Variants in IREB2 observed in about 807,000 individuals in gnomAD.
The protein encoded by IREB2 is iron responsive element binding protein 2, also known as iron-responsive element-binding protein 2.
Under a neutral mutation model 118.8 loss-of-function variants are expected in IREB2, and 39 were observed. The observed-to-expected ratio is 0.33, with a 90% CI of 0.25 to 0.43. The LOEUF (loss-of-function observed/expected upper bound fraction) is 0.43. Ranked by LOEUF, IREB2 falls within the 20% of genes least tolerant of loss-of-function variation. The pLI is 1.00. For missense variants in IREB2, 900 were observed against 1,147.3 expected, an observed-to-expected ratio of 0.78 and a Z score of 3.11; for synonymous variants, 372 against 392.2, an observed-to-expected ratio of 0.95 and a Z score of 0.61.
At chr15:78,496,212 C>T (rs1314620693) in intron 20 of IREB2, among the ~76,000 whole-genome samples, 2 of 152,168 alleles carry the variant, frequency 1.3e-5, no homozygotes, top group East Asian at 3.8e-4. Flanking sequence ...TCATAGAATT[C>T]TCTCATCCTA....
intron 10 of IREB2, among the ~76,000 whole-genome samples, chr15:78,482,151 G>A (rs1396803913): frequency 6.6e-6 from 1 of 152,062 alleles, no homozygotes; most frequent in Non-Finnish European, 1.5e-5. Context: ...GATCACTTGA[G>A]CCCAGGAGGT....
At chr15:78,491,946 A>AG (rs1463862809) in intron 18 of IREB2, among the ~76,000 whole-genome samples, 1 of 152,170 alleles carries the variant, frequency 6.6e-6, no homozygotes, top group Non-Finnish European at 1.5e-5. Flanking sequence ...AAAAAGAAAA[A>AG]CAGTCAACAC....
rs2051894265 is a variant in IREB2, at chr15:78,499,149, T to C, written c.*1006T>C. The stretch of plus-strand genomic sequence containing the variant: ...TCTTAATTAAATTGATTTCCTGTCA[T>C]TTTGAATCATTTATCACCTGCGATG... On this transcript the variant is annotated 3_prime_UTR_variant, in exon 22 of 22. Transcript: ENST00000258886. 1.3e-5 allele frequency: 2 copies of C among 152,228 alleles called. No homozygotes were observed. 9.4% of individuals were successfully genotyped at this position (152,228 alleles called of 1,614,324 possible).
At chr15:78,474,422 T>A (rs750551767) in intron 8 of IREB2, 43 of 152,230 alleles carry the variant, frequency 2.8e-4, no homozygotes, top group Non-Finnish European at 5.6e-4. Flanking sequence ...GATCAAGTAG[T>A]AAATTGGGAA....
At chr15:78,445,225 A>C (rs899161209) in intron 2 of IREB2, among the ~76,000 whole-genome samples, 2 of 150,506 alleles carry the variant, frequency 1.3e-5, no homozygotes, top group African/African-American at 2.4e-5. Flanking sequence ...GCGTCCTCCA[A>C]CTCCTGGGTT....
intron 2 of IREB2, among the ~76,000 whole-genome samples, chr15:78,442,767 C>G (rs1306589388): frequency 1.3e-5 from 2 of 152,170 alleles, no homozygotes; most frequent in Non-Finnish European, 2.9e-5. Context: ...TCTTCCCGTT[C>G]TGTTTTTATT....
intron 20 of IREB2, among the ~76,000 whole-genome samples, chr15:78,494,874 C>T (rs1450696557): frequency 6.6e-6 from 1 of 152,194 alleles, no homozygotes; most frequent in Non-Finnish European, 1.5e-5. Context: ...GCCCGGCCCC[C>T]ACTGTTAATT....
intron 15 of IREB2, 155 bp from the exon 16 acceptor site, chr15:78,488,492 A>G: frequency 1.0e-6 from 1 of 980,108 alleles, no homozygotes; most frequent in South Asian, 1.9e-5. Context: ...TATGTGAAGA[A>G]AATAAAATGT....
At chr15:78,482,013 G>A (rs2051582490) in intron 10 of IREB2, among the ~76,000 whole-genome samples, 1 of 152,144 alleles carries the variant, frequency 6.6e-6, no homozygotes, top group South Asian at 2.1e-4. Context: ...AGGCTGAGGC[G>A]GGAGGATTGC....
At chr15:78,452,119 A>G (rs2051036225) in intron 2 of IREB2, among the ~76,000 whole-genome samples, 1 of 152,192 alleles carries the variant, frequency 6.6e-6, no homozygotes. Flanking sequence ...GAGATGATGT[A>G]CTGGTGGTTG....
At chr15:78,464,223 T>C (rs2051244146) in intron 3 of IREB2, among the ~76,000 whole-genome samples, 1 of 152,228 alleles carries the variant, frequency 6.6e-6, no homozygotes, top group Admixed American at 6.5e-5. Context: ...TTAAGTCGTA[T>C]TATCCCTCCA....
At chr15:78,486,761 C>T (rs1445177245) in intron 13 of IREB2, among the ~76,000 whole-genome samples, 1 of 152,114 alleles carries the variant, frequency 6.6e-6, no homozygotes, top group African/African-American at 2.4e-5. Flanking sequence ...CCTCGACCTC[C>T]TAGGCTCAAT....
At position 78,501,156 on chromosome 15, in the gene IREB2, G is replaced by T. The variant is rs2051938154; in HGVS notation, c.*3013G>T. 1 of 152,202 alleles carries T rather than the reference G, an allele frequency of 6.6e-6. No homozygotes were observed. Among genetic ancestry groups the T allele is most frequent in the South Asian group, 2.1e-4 (1 of 4,826 alleles). 9.4% of individuals were successfully genotyped at this position (152,202 alleles called of 1,614,324 possible). A position where few individuals can be genotyped will look rare whatever the true frequency, so the allele number is the denominator to read the frequency against. ...GAAGAGGGTGGACTTTGGCTTTTCA[G>T]TGTTTTTTCCCCTAAAGAGTGATAT... On this transcript the variant is annotated 3_prime_UTR_variant, in exon 22 of 22. Coordinates refer to ENST00000258886, the MANE Select transcript of IREB2 (RefSeq NM_004136.4).
At chr15:78,485,070 T>C (rs2051637604) in intron 12 of IREB2, 150 bp downstream of exon 12, 2 of 628,910 alleles carry the variant, frequency 3.2e-6, no homozygotes. Flanking sequence ...TTAAGGAGCC[T>C]GAGTTTGATT....
chr15:78,492,921 G>T (rs2051775687), intron 18 of IREB2, among the ~76,000 whole-genome samples: 2 of 152,064 alleles, frequency 1.3e-5, no homozygotes, highest in Admixed American at 1.3e-4. Context: ...GTGAATTATA[G>T]TATCACTATT....
intron 16 of IREB2, among the ~76,000 whole-genome samples, chr15:78,489,737 C>G (rs1387632775): frequency 1.3e-5 from 2 of 152,216 alleles, no homozygotes; most frequent in East Asian, 3.9e-4. Flanking sequence ...TCTCAAACTC[C>G]TGGACTCAAG....
At position 78,494,254 on chromosome 15, in the gene IREB2, C is replaced by T. The variant is rs372863225; in HGVS notation, c.2585C>T (p.Pro862Leu). 3.2e-5 allele frequency: 51 copies of T among 1,612,706 alleles called. No individual in the cohort carries two copies. In the African/African-American group the frequency reaches 5.2e-4, roughly 16 times the overall value. The stretch of plus-strand genomic sequence containing the variant: ...TCCAGAGACTGGGCTGCCAAAGGAC[C>T]GTATTTACTGGTATTGAATCTTAAA... The part of the protein sequence containing the change: ...GNSRDWAAKG[P>L]YLLGVKAVLA... The change falls in exon 20 of 22, where the codon CCG (proline) becomes CTG (leucine). Residue 862 changes from proline (P) to leucine (L), a missense_variant. Transcript: ENST00000258886.
In IREB2 at chr15:78,500,381, T is replaced by C. The variant is rs1368099505; in HGVS notation, c.*2238T>C. The C allele has an allele frequency of 6.6e-6, 1 of 152,142 alleles. No individual in the cohort carries two copies. Among genetic ancestry groups the C allele is most frequent in the Non-Finnish European group, 1.5e-5 (1 of 68,026 alleles). The allele number at this position is 152,142 out of a possible 1,614,324, so 9.4% of individuals were successfully genotyped here. On this transcript the variant is annotated 3_prime_UTR_variant, in exon 22 of 22. Transcript: ENST00000258886. The stretch of plus-strand genomic sequence containing the variant: ...TGAAGTAAAAACTTGATAAACATGG[T>C]TTCAAATTGAGGAGGAGAGTCTTGG...
intron 10 of IREB2, among the ~76,000 whole-genome samples, chr15:78,482,369 C>T (rs780377156): frequency 1.8e-4 from 28 of 152,050 alleles, no homozygotes; most frequent in Non-Finnish European, 3.2e-4. Context: ...ATGAAGGAAA[C>T]GATAGAAATG....
Sources: gnomAD v4.1 joint callset for allele counts (sites outside exome capture counted in the v4.1 genomes callset) on GRCh38, gnomAD v4.1.1 for gene constraint, MANE v1.5 for transcripts, NCBI Gene and HGNC (gene_info 2026-07-23, HGNC 2026-07-21) for gene names.